PLS1: variants seen among roughly 807,000 people sequenced by gnomAD.
The protein encoded by PLS1 is plastin-1.
In PLS1, 32 loss-of-function variants were observed where a neutral mutation model predicts 73.7. That is an observed-to-expected ratio of 0.43 (90% confidence interval 0.33 to 0.58). The LOEUF (loss-of-function observed/expected upper bound fraction) is 0.58, where lower values mean the gene tolerates loss of function less well. Among genes scored for constraint, PLS1 ranks in the 20% least tolerant of loss-of-function variants. The pLI is 0.04. For synonymous variants in PLS1, 217 were observed against 261.3 expected (o/e 0.83, Z 1.63); for missense variants, 633 against 740.5 (o/e 0.85, Z 1.68).
intron 9 of PLS1, among the ~76,000 whole-genome samples, chr3:142,687,053 C>G (rs1485039056): frequency 6.6e-6 from 1 of 152,240 alleles, no homozygotes; most frequent in African/African-American, 2.4e-5. Context: ...TTCTGACCTA[C>G]CAAGCATACT....
At chr3:142,699,050 A>G (rs1451438039) in intron 12 of PLS1, among the ~76,000 whole-genome samples, 3 of 152,180 alleles carry the variant, frequency 2.0e-5, no homozygotes, top group East Asian at 1.9e-4. Context: ...GAGTTGAACA[A>G]TGAGGACACA....
At chr3:142,640,967 A>C (rs2036819895) in intron 1 of PLS1, among the ~76,000 whole-genome samples, 1 of 151,954 alleles carries the variant, frequency 6.6e-6, no homozygotes, top group Non-Finnish European at 1.5e-5. Context: ...CCTGGTTAAA[A>C]GAGTGAGACC....
At chr3:142,614,513 A>G (rs2036180317) in intron 1 of PLS1, among the ~76,000 whole-genome samples, 1 of 152,218 alleles carries the variant, frequency 6.6e-6, no homozygotes, top group African/African-American at 2.4e-5. Context: ...GTATTGCCAG[A>G]CATTCTGATT....
chr3:142,604,293 T>C (rs1289801910), intron 1 of PLS1, among the ~76,000 whole-genome samples: 1 of 152,160 alleles, frequency 6.6e-6, no homozygotes, highest in Non-Finnish European at 1.5e-5. Context: ...TGATATCAAG[T>C]TAGTATTTAT....
intron 14 of PLS1, among the ~76,000 whole-genome samples, chr3:142,709,759 G>C (rs1933027671): frequency 6.6e-6 from 1 of 151,476 alleles, no homozygotes; most frequent in Admixed American, 6.6e-5. Flanking sequence ...AGAGCTTGCA[G>C]TGAGCCAAGA....
At chr3:142,640,192 A>G (rs1031942487) in intron 1 of PLS1, among the ~76,000 whole-genome samples, 7 of 152,238 alleles carry the variant, frequency 4.6e-5, no homozygotes, top group African/African-American at 1.7e-4. Flanking sequence ...AGCAAACAGT[A>G]GGCAGATGAA....
intron 14 of PLS1, among the ~76,000 whole-genome samples, chr3:142,708,327 A>C (rs1932945837): frequency 6.6e-6 from 1 of 151,848 alleles, no homozygotes; most frequent in Non-Finnish European, 1.5e-5. Context: ...GCTCACTCCA[A>C]CCTCTGCCTC....
chr3:142,679,157 T>C (rs1458059791), intron 6 of PLS1, among the ~76,000 whole-genome samples: 1 of 151,868 alleles, frequency 6.6e-6, no homozygotes, highest in East Asian at 1.9e-4. Flanking sequence ...GAGTTCATTG[T>C]AGGTTCTGGA....
intron 14 of PLS1, among the ~76,000 whole-genome samples, chr3:142,709,074 T>C (rs1269810656): frequency 6.6e-6 from 1 of 152,218 alleles, no homozygotes; most frequent in African/African-American, 2.4e-5. Flanking sequence ...AAAATAATCA[T>C]ATACATATAT....
intron 1 of PLS1, among the ~76,000 whole-genome samples, chr3:142,629,085 C>T (rs898843534): frequency 5.3e-5 from 8 of 152,146 alleles, no homozygotes; most frequent in African/African-American, 1.9e-4. Context: ...CTAATATGTG[C>T]CTACTAGCTG....
intron 12 of PLS1, among the ~76,000 whole-genome samples, chr3:142,700,700 A>AAGCTTC (rs1170323570): frequency 6.6e-6 from 1 of 152,118 alleles, no homozygotes; most frequent in African/African-American, 2.4e-5. Flanking sequence ...TAAATGATCT[A>AAGCTTC]AGCTTCATTT....
chr3:142,631,354 A>G (rs1457522040), intron 1 of PLS1, among the ~76,000 whole-genome samples: 7 of 152,118 alleles, frequency 4.6e-5, no homozygotes, highest in Non-Finnish European at 1.0e-4. Context: ...TTTCTACTAA[A>G]AATACAAAAA....
chr3:142,635,141 A>C (rs2036649341), intron 1 of PLS1, among the ~76,000 whole-genome samples: 1 of 152,110 alleles, frequency 6.6e-6, no homozygotes, highest in Admixed American at 6.6e-5. Flanking sequence ...AAGCTGTAGT[A>C]AGTTAAAAAT....
At chr3:142,638,461 A>G (rs1429543636) in intron 1 of PLS1, among the ~76,000 whole-genome samples, 2 of 152,204 alleles carry the variant, frequency 1.3e-5, no homozygotes, top group Non-Finnish European at 2.9e-5. Flanking sequence ...CACAGGGACA[A>G]CAGTGACACT....
At chr3:142,672,405 C>T (rs576017813) in intron 4 of PLS1, among the ~76,000 whole-genome samples, 17 of 139,682 alleles carry the variant, frequency 1.2e-4, no homozygotes, top group Non-Finnish European at 1.8e-4. Flanking sequence ...TGCAGTGGTG[C>T]GATCTCGGCT....
chr3:142,662,863 G>A (rs1045384854), intron 1 of PLS1, among the ~76,000 whole-genome samples: 3 of 152,162 alleles, frequency 2.0e-5, no homozygotes, highest in Non-Finnish European at 4.4e-5. Flanking sequence ...TTATAATATT[G>A]TATGGTCACA....
intron 10 of PLS1, among the ~76,000 whole-genome samples, chr3:142,691,189 G>C (rs1409007122): frequency 6.6e-6 from 1 of 151,908 alleles, no homozygotes; most frequent in Non-Finnish European, 1.5e-5. Flanking sequence ...CGACGTTTCA[G>C]ATTTAACAAA....
At position 142,659,672 on chromosome 3, in the gene PLS1, CT is replaced by C. The variant is rs533796970; in HGVS notation, c.-36-4517del. Among the ~76,000 whole-genome samples, 753 of 138,478 alleles carry C rather than the reference CT, an allele frequency of 5.4e-3. 1 individual carries two copies. Among genetic ancestry groups the C allele is most frequent in the South Asian group, 9.8e-3 (42 of 4,300 alleles). 90.8% of individuals were successfully genotyped at this position (138,478 alleles called of 152,430 possible). ...AGTTCCTCTTCCACTTTTCTTTTTT[CT>C]TTTTTTTTTTTTGTTGTTGTTTTGT... is the stretch of plus-strand genomic sequence containing the variant. On this transcript the variant is annotated intron_variant, in intron 1 of 15. Coordinates refer to ENST00000457734, the MANE Select transcript of PLS1 (RefSeq NM_001145319.2).
At chr3:142,638,851 CCT>C (rs1207768974) in intron 1 of PLS1, among the ~76,000 whole-genome samples, 1 of 152,052 alleles carries the variant, frequency 6.6e-6, no homozygotes, top group Non-Finnish European at 1.5e-5. Flanking sequence ...AAGTGATTCT[CCT>C]GCCTCAGCCT....
Sources: gnomAD v4.1 joint callset for allele counts (sites outside exome capture counted in the v4.1 genomes callset) on GRCh38, gnomAD v4.1.1 for gene constraint, MANE v1.5 for transcripts, NCBI Gene and HGNC (gene_info 2026-07-23, HGNC 2026-07-21) for gene names.